MORC1: variants seen among roughly 807,000 people sequenced by gnomAD.
MORC1 encodes MORC family CW-type zinc finger protein 1.
MORC1 carries 59 observed loss-of-function variants against 134.9 expected under a neutral mutation model. The ratio of observed to expected loss-of-function variants is 0.44; its 90% CI spans 0.35 to 0.54. MORC1 has a LOEUF of 0.54. MORC1 is among the 20% of genes least tolerant of loss of function. The probability of loss-of-function intolerance (pLI) is 0.00; values close to 1 mark genes in which losing one functional copy is unlikely to be tolerated. For synonymous variants in MORC1, 395 were observed against 391.7 expected, an observed-to-expected ratio of 1.01 and a Z score of -0.10; for missense variants, 947 against 1,134.5, an observed-to-expected ratio of 0.83 and a Z score of 2.37.
At chr3:109,046,839 G>A (rs1949706884) in intron 14 of MORC1, among the ~76,000 whole-genome samples, 1 of 152,188 alleles carries the variant, frequency 6.6e-6, no homozygotes, top group Non-Finnish European at 1.5e-5. Flanking sequence ...TATTTTTCTT[G>A]TTTTTGTAGC....
chr3:109,107,085 C>G (rs1463783165), intron 3 of MORC1, among the ~76,000 whole-genome samples: 1 of 152,194 alleles, frequency 6.6e-6, no homozygotes, highest in Admixed American at 6.5e-5. Context: ...TCTACATTCT[C>G]TCCATATTCC....
At chr3:109,059,075 TAA>T (rs537375297) in intron 12 of MORC1, among the ~76,000 whole-genome samples, 210 of 152,302 alleles carry the variant, frequency 1.4e-3, no homozygotes, top group African/African-American at 3.7e-3. Context: ...TTTATTTTGA[TAA>T]ATGCAAAATT....
chr3:109,043,965 T>C (rs1242931814), intron 14 of MORC1, among the ~76,000 whole-genome samples: 1 of 152,184 alleles, frequency 6.6e-6, no homozygotes, highest in East Asian at 1.9e-4. Context: ...TCAAGATAGG[T>C]CGATTAAAAA....
intron 14 of MORC1, among the ~76,000 whole-genome samples, chr3:109,043,726 G>T (rs542007482): frequency 6.6e-6 from 1 of 152,214 alleles, no homozygotes; most frequent in East Asian, 1.9e-4. Context: ...TTATAATTCT[G>T]CATGTCTTCA....
At chr3:108,967,999 C>T (rs1390572153) in intron 26 of MORC1, among the ~76,000 whole-genome samples, 1 of 152,172 alleles carries the variant, frequency 6.6e-6, no homozygotes, top group African/African-American at 2.4e-5. Flanking sequence ...GATAGTGGTA[C>T]CTACCTACCA....
At chr3:109,075,624 T>C (rs1191369044) in intron 8 of MORC1, among the ~76,000 whole-genome samples, 3 of 152,182 alleles carry the variant, frequency 2.0e-5, no homozygotes, top group South Asian at 2.1e-4. Context: ...TGTGACATTA[T>C]TCCTGAGGCC....
intron 4 of MORC1, among the ~76,000 whole-genome samples, chr3:109,103,301 C>T (rs1023311371): frequency 2.0e-5 from 3 of 152,174 alleles, no homozygotes; most frequent in Admixed American, 2.0e-4. Flanking sequence ...TGGCTTTGTG[C>T]TAACCTTGAA....
intron 21 of MORC1, among the ~76,000 whole-genome samples, chr3:108,998,107 G>T (rs1377582459): frequency 6.6e-6 from 1 of 152,144 alleles, no homozygotes; most frequent in Non-Finnish European, 1.5e-5. Context: ...GGCTGTCTTA[G>T]CTGGACGCCT....
chr3:109,012,343 TAC>T (rs2107553753), intron 17 of MORC1, among the ~76,000 whole-genome samples: 2 of 152,336 alleles, frequency 1.3e-5, no homozygotes, highest in East Asian at 3.9e-4. Context: ...CTGACTTAAT[TAC>T]AGTTTTATTA....
chr3:109,056,454 C>T (rs1949963089), intron 13 of MORC1, among the ~76,000 whole-genome samples: 1 of 152,200 alleles, frequency 6.6e-6, no homozygotes, highest in Non-Finnish European at 1.5e-5. Flanking sequence ...GTCTTGATCT[C>T]CTGACCTCGT....
chr3:109,066,014 G>C (rs1240076751), intron 9 of MORC1, among the ~76,000 whole-genome samples: 1 of 152,004 alleles, frequency 6.6e-6, no homozygotes, highest in Non-Finnish European at 1.5e-5. Flanking sequence ...GGGAATACAA[G>C]ACGGGGGAGA....
chr3:109,067,877 T>G (rs546701807), intron 9 of MORC1, among the ~76,000 whole-genome samples: 1 of 152,158 alleles, frequency 6.6e-6, no homozygotes, highest in African/African-American at 2.4e-5. Context: ...TCTTTATGAG[T>G]GATAGCAAGG....
chr3:109,101,854 T>TA (rs1203097424), intron 4 of MORC1, among the ~76,000 whole-genome samples: 2 of 152,148 alleles, frequency 1.3e-5, no homozygotes, highest in African/African-American at 4.8e-5. Flanking sequence ...TGATAGAGGG[T>TA]ACAGCTAGGA....
chr3:109,037,764 A>G (rs1279327368), intron 14 of MORC1, among the ~76,000 whole-genome samples: 1 of 152,056 alleles, frequency 6.6e-6, no homozygotes, highest in Admixed American at 6.5e-5. Context: ...CCTGCAAAGG[A>G]TATGAACTCA....
intron 8 of MORC1, among the ~76,000 whole-genome samples, chr3:109,086,927 A>T (rs1259876517): frequency 6.6e-6 from 1 of 152,130 alleles, no homozygotes; most frequent in Admixed American, 6.5e-5. Flanking sequence ...ATATAAAGTG[A>T]CAGATAATAA....
Position 108,963,535 on chromosome 3 carries a change from T to C in MORC1, c.2678A>G (p.Asn893Ser). 1.9e-6 allele frequency: 3 copies of C among 1,606,796 alleles called. No homozygotes were observed. Among genetic ancestry groups the C allele is most frequent in the African/African-American group, 1.3e-5 (1 of 74,888 alleles). The change falls in exon 27 of 28, where the codon AAT becomes AGT. Residue 893 changes from asparagine to serine, a missense_variant. Physicochemically the swap from Asn to Ser is conservative, Grantham distance 46. Around this residue, in one of 3 missense-constraint regions of MORC1, gnomAD observed 722 missense variants for 817.0 expected, o/e 0.88. Coordinates refer to ENST00000232603, the MANE Select transcript of MORC1 (RefSeq NM_014429.4). Reference protein sequence around the residue: ...RKLQSIIYDSNTRGIHNEISL... With the variant: ...RKLQSIIYDSSTRGIHNEISL... ...GATTTCATTATGTATTCCTCTTGTATTTGAATCATAGATAATGGACTGCAA... is the reference window on the plus strand; with the variant it reads ...GATTTCATTATGTATTCCTCTTGTACTTGAATCATAGATAATGGACTGCAA...
chr3:109,024,161 G>C (rs1949022435), intron 17 of MORC1, among the ~76,000 whole-genome samples: 1 of 152,146 alleles, frequency 6.6e-6, no homozygotes, highest in African/African-American at 2.4e-5. Flanking sequence ...CAATATATAA[G>C]TTTGTTGCTA....
Position 109,094,452 on chromosome 3 carries a change from A to C in MORC1, c.583+457T>G, listed in dbSNP as rs571636209. On this transcript the variant is annotated intron_variant, in intron 7 of 27. Transcript: ENST00000232603. Reference sequence around the variant, plus strand: ...GAACAGAAAGTTGGTGGAGGTGGAAAGAATGGGGAAAAGATCTGTTAATCT... The same window carrying C: ...GAACAGAAAGTTGGTGGAGGTGGAACGAATGGGGAAAAGATCTGTTAATCT... Among the ~76,000 whole-genome samples the C allele has an allele frequency of 4.5e-3, 680 of 152,340 alleles. 2 individuals are homozygous for C. Among genetic ancestry groups the C allele is most frequent in the Middle Eastern group, 6.8e-3 (2 of 294 alleles).
intron 6 of MORC1, among the ~76,000 whole-genome samples, chr3:109,095,987 AAT>A (rs1950824713): frequency 6.6e-6 from 1 of 152,218 alleles, no homozygotes; most frequent in Non-Finnish European, 1.5e-5. Flanking sequence ...CTAATATGAT[AAT>A]AGAGAACAAA....
Sources: allele counts gnomAD v4.1 joint callset (sites outside exome capture counted in the v4.1 genomes callset), GRCh38; gene constraint gnomAD v4.1.1; regional missense constraint gnomAD v4.1.1; transcripts MANE v1.5; gene names NCBI Gene and HGNC (gene_info 2026-07-23, HGNC 2026-07-21).